Variants in DOCK1 observed in about 807,000 individuals in gnomAD.
DOCK1 encodes the protein dedicator of cytokinesis protein 1.
A neutral mutation model predicts 262.7 loss-of-function variants in DOCK1; 138 were observed. The ratio of observed to expected loss-of-function variants is 0.53; its 90% CI spans 0.46 to 0.61. DOCK1 has a LOEUF of 0.61. DOCK1 is among the 20% of genes least tolerant of loss of function. The pLI, the probability that DOCK1 is intolerant of heterozygous loss-of-function variation, is 0.00. For synonymous variants in DOCK1, 866 were observed against 867.4 expected (o/e 1.00, Z 0.03); for missense variants, 1,908 against 2,370.7 (o/e 0.80, Z 4.05).
Position 127,444,183 on chromosome 10 carries a change from G to A in DOCK1, c.5317G>A (p.Glu1773Lys), listed in dbSNP as rs368735026. 11 of 1,602,218 alleles carry A rather than the reference G, an allele frequency of 6.9e-6. No individual in the cohort carries two copies. The highest frequency in any genetic ancestry group is 2.3e-5 in the East Asian group (1 of 43,934). ...CCAGGTGATGAACGTCATTGGAAGCGAAAGGCGCTTCTCGGTGTCCCCCTC... is the reference window on the plus strand; with the variant it reads ...CCAGGTGATGAACGTCATTGGAAGCAAAAGGCGCTTCTCGGTGTCCCCCTC... The part of the protein sequence containing the change: ...KSQVMNVIGS[E>K]RRFSVSPSSP... The change falls in exon 50 of 52, where the codon GAA becomes AAA. Residue 1773 changes from glutamate to lysine, a missense_variant. Transcript: ENST00000623213.
rs564373523 is a variant in DOCK1, at chr10:127,008,887, G to T, written c.1058+83G>T. On this transcript the variant is annotated intron_variant, in intron 11 of 51. Coordinates refer to ENST00000623213, the MANE Select transcript of DOCK1 (RefSeq NM_001290223.2). ...TAATAATTATCTTTATAATTAAATG[G>T]ATAAACATAACTAAGGATTGATTAT... 23 of 1,207,822 alleles carry T rather than the reference G, an allele frequency of 1.9e-5. No individual in the cohort carries two copies. In the South Asian group the frequency reaches 2.8e-4, roughly 15 times the overall value. The allele number at this position is 1,207,822 out of a possible 1,614,324, so 74.8% of individuals were successfully genotyped here. A position where few individuals can be genotyped will look rare whatever the true frequency, so the allele number is the denominator to read the frequency against.
chr10:127,159,172 G>T (rs1042663204), intron 27 of DOCK1, among the ~76,000 whole-genome samples: 2 of 152,200 alleles, frequency 1.3e-5, no homozygotes, highest in African/African-American at 4.8e-5. Context: ...CTACAAGGTG[G>T]TTTTTGTGGA....
intron 1 of DOCK1, among the ~76,000 whole-genome samples, chr10:126,914,312 T>C (rs2032213490): frequency 6.6e-6 from 1 of 152,268 alleles, no homozygotes. Context: ...AGTTGCTGTT[T>C]AGACCTATGA....
chr10:127,173,057 G>T (rs1016955272), intron 27 of DOCK1, among the ~76,000 whole-genome samples: 13 of 152,042 alleles, frequency 8.6e-5, no homozygotes, highest in African/African-American at 3.1e-4. Flanking sequence ...CCTGTGTGCC[G>T]GGCATATAGG....
chr10:127,051,930 A>G (rs978308795), intron 21 of DOCK1, among the ~76,000 whole-genome samples: 3 of 152,136 alleles, frequency 2.0e-5, no homozygotes, highest in Non-Finnish European at 2.9e-5. Flanking sequence ...CGTCACCACT[A>G]TCCATCAGAG....
In DOCK1 at chr10:126,916,535, C is replaced by T. The variant is rs114812691; in HGVS notation, c.46+10972C>T. On this transcript the variant is annotated intron_variant, in intron 1 of 51. Transcript: ENST00000623213. ...TGTATAGAGACGAATGGTGATGAAG[C>T]CTGTATGTTTCAGCCTCGGTTAGGA... Among the ~76,000 whole-genome samples, 1,121 of 152,220 alleles carry T rather than the reference C, an allele frequency of 7.4e-3. 16 individuals carry two copies. The highest frequency in any genetic ancestry group is 0.024 in the African/African-American group (994 of 41,516).
chr10:126,913,326 G>GCCAA (rs1430130240), intron 1 of DOCK1, among the ~76,000 whole-genome samples: 1 of 151,772 alleles, frequency 6.6e-6, no homozygotes, highest in Non-Finnish European at 1.5e-5. Flanking sequence ...GAGTAGGGCA[G>GCCAA]CCTCATATTG....
At chr10:127,328,935 A>G (rs1243033604) in intron 29 of DOCK1, among the ~76,000 whole-genome samples, 3 of 151,224 alleles carry the variant, frequency 2.0e-5, no homozygotes, top group Middle Eastern at 6.8e-3. Context: ...GTGATTTTAT[A>G]TATATAAATA....
chr10:127,182,204 G>A (rs2133977624), intron 27 of DOCK1, among the ~76,000 whole-genome samples: 1 of 152,294 alleles, frequency 6.6e-6, no homozygotes, highest in East Asian at 1.9e-4. Flanking sequence ...GGGAAAAGGG[G>A]CACTCACAGA....
At chr10:127,125,190 A>T (rs2049871422) in intron 25 of DOCK1, among the ~76,000 whole-genome samples, 1 of 152,238 alleles carries the variant, frequency 6.6e-6, no homozygotes, top group South Asian at 2.1e-4. Context: ...ACAGTGGGAT[A>T]TAAGTGTGTG....
chr10:127,276,963 G>C (rs1414307302), intron 29 of DOCK1, among the ~76,000 whole-genome samples: 2 of 152,108 alleles, frequency 1.3e-5, no homozygotes, highest in Non-Finnish European at 2.9e-5. Context: ...AAAACTAATA[G>C]ACTAGATGCA....
At chr10:127,348,676 A>G (rs2063751825) in intron 31 of DOCK1, among the ~76,000 whole-genome samples, 1 of 152,094 alleles carries the variant, frequency 6.6e-6, no homozygotes. Context: ...TTTTGTAATT[A>G]TAGAAGTCTG....
At chr10:127,320,799 G>A (rs2135561967) in intron 29 of DOCK1, among the ~76,000 whole-genome samples, 1 of 152,182 alleles carries the variant, frequency 6.6e-6, no homozygotes, top group African/African-American at 2.4e-5. Context: ...AGGAAACCCT[G>A]GATCTGGGGC....
chr10:127,412,701 A>T (rs982737643), intron 43 of DOCK1, among the ~76,000 whole-genome samples: 1 of 152,098 alleles, frequency 6.6e-6, no homozygotes, highest in Non-Finnish European at 1.5e-5. Context: ...CTCCCTCCCA[A>T]TCCCTCAGGG....
At chr10:127,116,449 C>T (rs973829832) in intron 25 of DOCK1, among the ~76,000 whole-genome samples, 1 of 152,132 alleles carries the variant, frequency 6.6e-6, no homozygotes, top group South Asian at 2.1e-4. Flanking sequence ...ATCCCAGACA[C>T]TTACTGGGAC....
intron 2 of DOCK1, among the ~76,000 whole-genome samples, chr10:126,974,850 G>A (rs2134730745): frequency 6.6e-6 from 1 of 152,208 alleles, no homozygotes; most frequent in East Asian, 1.9e-4. Flanking sequence ...TCACTTTGTT[G>A]AAGAAATAGT....
intron 23 of DOCK1, among the ~76,000 whole-genome samples, chr10:127,080,775 T>C (rs2046854255): frequency 6.6e-6 from 1 of 152,236 alleles, no homozygotes; most frequent in Non-Finnish European, 1.5e-5. Flanking sequence ...TTGACTTTCC[T>C]GTTCAATAAT....
intron 29 of DOCK1, among the ~76,000 whole-genome samples, chr10:127,283,501 C>G (rs1246541322): frequency 6.6e-6 from 1 of 152,212 alleles, no homozygotes; most frequent in African/African-American, 2.4e-5. Flanking sequence ...GGAATAAAGC[C>G]ATCCTATATC....
rs1385811308 is a variant in DOCK1 at position 127,188,135 on chromosome 10, G to A, written c.2848-59873G>A. On this transcript the variant is annotated intron_variant, in intron 27 of 51. Coordinates refer to ENST00000623213, the MANE Select transcript of DOCK1 (RefSeq NM_001290223.2). ...TAGAATGAACCTGGACATCAGCCAG[G>A]TGTTGGGATGATCACCAGCAGATCC... Among the ~76,000 whole-genome samples, 3 of 152,316 alleles carry A rather than the reference G, an allele frequency of 2.0e-5. No homozygotes were observed. In the East Asian group the frequency reaches 5.8e-4, roughly 29 times the overall value.
Sources: allele counts gnomAD v4.1 joint callset (sites outside exome capture counted in the v4.1 genomes callset), GRCh38; gene constraint gnomAD v4.1.1; transcripts MANE v1.5; gene names NCBI Gene and HGNC (gene_info 2026-07-23, HGNC 2026-07-21).